NELL1: variants seen among roughly 807,000 people sequenced by gnomAD.
NELL1 encodes neural EGFL like 1, also known as protein kinase C-binding protein NELL1.
NELL1 carries 76 observed loss-of-function variants against 107.4 expected under a neutral mutation model. The observed-to-expected ratio is 0.71, with a 90% CI of 0.59 to 0.86. The LOEUF is 0.86. Among genes scored for constraint, NELL1 ranks in the 40% least tolerant of loss-of-function variants. NELL1 has a pLI of 0.00. For synonymous variants in NELL1, 353 were observed against 341.2 expected, an observed-to-expected ratio of 1.03 and a Z score of -0.38; for missense variants, 1,024 against 1,005.5, an observed-to-expected ratio of 1.02 and a Z score of -0.25.
At chr11:20,725,573 A>T (rs1855490949) in intron 2 of NELL1, among the ~76,000 whole-genome samples, 1 of 152,246 alleles carries the variant, frequency 6.6e-6, no homozygotes, top group African/African-American at 2.4e-5. Context: ...TTATATAAAC[A>T]TACTTACCTT....
Position 20,679,605 on chromosome 11 carries a change from C to G in NELL1, c.184+1545C>G, listed in dbSNP as rs150525120. 1.1e-3 allele frequency among the ~76,000 whole-genome samples: 174 copies of G among 152,266 alleles called. 1 individual carries two copies. The highest frequency in any genetic ancestry group is 3.9e-3 in the African/African-American group (163 of 41,546). The stretch of plus-strand genomic sequence containing the variant: ...ATGGTTAAAAGGGTAGACTGAATTA[C>G]TTTGTTTTTGCATTGTGCTATATCT... On this transcript the variant is annotated intron_variant, in intron 2 of 19. Transcript: ENST00000357134.
At chr11:20,849,190 C>T (rs7927476) in intron 4 of NELL1, among the ~76,000 whole-genome samples, 114,678 of 152,094 alleles carry the variant, frequency 0.75, 45,083 homozygotes, top group Non-Finnish European at 0.89. Context: ...CCCTGCTTGT[C>T]CTTCTAAGCC....
intron 13 of NELL1, among the ~76,000 whole-genome samples, chr11:21,132,577 G>A (rs1855646932): frequency 6.6e-6 from 1 of 152,164 alleles, no homozygotes; most frequent in Non-Finnish European, 1.5e-5. Context: ...GTGAGGCTGC[G>A]GCTGGACCAG....
chr11:20,707,978 C>T (rs547116170), intron 2 of NELL1, among the ~76,000 whole-genome samples: 1 of 152,366 alleles, frequency 6.6e-6, no homozygotes, highest in African/African-American at 2.4e-5. Context: ...CCTGCCTGAG[C>T]TGCAGTGGGC....
At chr11:21,105,245 A>G (rs538498901) in intron 12 of NELL1, among the ~76,000 whole-genome samples, 3 of 152,278 alleles carry the variant, frequency 2.0e-5, no homozygotes, top group Non-Finnish European at 4.4e-5. Context: ...GAAAGAGAAA[A>G]GAGAAATAGC....
intron 13 of NELL1, among the ~76,000 whole-genome samples, chr11:21,139,982 A>T (rs1855830266): frequency 6.6e-6 from 1 of 152,176 alleles, no homozygotes; most frequent in African/African-American, 2.4e-5. Flanking sequence ...ATGAGTGTCA[A>T]GAACAACATT....
chr11:20,678,099 G>C, intron 2 of NELL1, 39 bp downstream of exon 2: 1 of 1,612,358 alleles, frequency 6.2e-7, no homozygotes, highest in African/African-American at 1.3e-5. Flanking sequence ...GCAGAGGTTG[G>C]GGAGGAGGGT....
intron 14 of NELL1, among the ~76,000 whole-genome samples, chr11:21,268,393 A>G (rs1483129080): frequency 6.6e-6 from 1 of 152,112 alleles, no homozygotes; most frequent in Non-Finnish European, 1.5e-5. Context: ...TCTTAACAAA[A>G]CCTGCCTTTA....
At chr11:21,043,492 G>A (rs193229446) in intron 12 of NELL1, among the ~76,000 whole-genome samples, 1 of 152,192 alleles carries the variant, frequency 6.6e-6, no homozygotes, top group Admixed American at 6.5e-5. Flanking sequence ...GTCCATGTAA[G>A]GGTTCACGTT....
At chr11:20,760,256 G>T (rs984188901) in intron 2 of NELL1, among the ~76,000 whole-genome samples, 1 of 152,220 alleles carries the variant, frequency 6.6e-6, no homozygotes, top group Non-Finnish European at 1.5e-5. Context: ...TGCACCATCA[G>T]TGAAAGATTT....
rs1365985741 is a variant in NELL1 at position 20,782,695 on chromosome 11, GCAGT to G, written c.185-981_185-978del. On this transcript the variant is annotated intron_variant, in intron 2 of 19. Transcript: ENST00000357134. The stretch of plus-strand genomic sequence containing the variant: ...GGAGAAATAACCATGTAGTTATCTT[GCAGT>G]CAGAGGAGATGGTCAGGATGTGAGA... 2.6e-5 allele frequency among the ~76,000 whole-genome samples: 4 copies of G among 152,320 alleles called. No homozygotes were observed. The East Asian group carries it at 7.7e-4, about 29-fold the overall frequency.
chr11:21,307,162 G>A (rs781623911), intron 14 of NELL1, among the ~76,000 whole-genome samples: 76 of 151,914 alleles, frequency 5.0e-4, no homozygotes, highest in Admixed American at 3.2e-3. Flanking sequence ...AGGGGACACC[G>A]TTTTCCTCTT....
At chr11:21,265,046 GT>G (rs1848610000) in intron 14 of NELL1, among the ~76,000 whole-genome samples, 2 of 151,894 alleles carry the variant, frequency 1.3e-5, no homozygotes, top group African/African-American at 4.8e-5. Context: ...TGGCTGTAAT[GT>G]TTAGTTAGAA....
intron 15 of NELL1, among the ~76,000 whole-genome samples, chr11:21,528,342 T>C (rs953002958): frequency 3.3e-5 from 5 of 151,998 alleles, no homozygotes; most frequent in African/African-American, 7.2e-5. Flanking sequence ...GGGGGCCGAG[T>C]AGGAGGTGTT....
At chr11:20,735,838 T>A (rs906810361) in intron 2 of NELL1, among the ~76,000 whole-genome samples, 3 of 151,800 alleles carry the variant, frequency 2.0e-5, no homozygotes, top group African/African-American at 7.3e-5. Flanking sequence ...GAAGGGGAGT[T>A]TTTTCTTAAG....
intron 13 of NELL1, among the ~76,000 whole-genome samples, chr11:21,125,017 C>T (rs903226610): frequency 6.6e-6 from 1 of 152,092 alleles, no homozygotes; most frequent in African/African-American, 2.4e-5. Flanking sequence ...TTCCTAATAC[C>T]ATCACCCTAG....
intron 12 of NELL1, among the ~76,000 whole-genome samples, chr11:20,990,966 C>A (rs796940952): frequency 3.4e-4 from 40 of 117,792 alleles, no homozygotes; most frequent in African/African-American, 1.5e-3. Flanking sequence ...GTTTCCACTC[C>A]TGGATTCCAC....
chr11:20,807,737 G>C (rs1240520988), intron 3 of NELL1, among the ~76,000 whole-genome samples: 6 of 152,186 alleles, frequency 3.9e-5, no homozygotes, highest in Non-Finnish European at 8.8e-5. Context: ...ATCTACCTGT[G>C]ACTGAGCTGG....
chr11:20,771,918 A>G (rs1590279037), intron 2 of NELL1, among the ~76,000 whole-genome samples: 1 of 152,392 alleles, frequency 6.6e-6, no homozygotes, highest in East Asian at 1.9e-4. Flanking sequence ...AGGTTTGCAT[A>G]TTAAAATCAC....
Sources: allele counts gnomAD v4.1 joint callset (sites outside exome capture counted in the v4.1 genomes callset), GRCh38; gene constraint gnomAD v4.1.1; transcripts MANE v1.5; gene names NCBI Gene and HGNC (gene_info 2026-07-23, HGNC 2026-07-21).